The following GRID2 variants were observed in gnomAD, a reference collection of about 807,000 sequenced individuals.
The protein encoded by GRID2 is glutamate ionotropic receptor delta type subunit 2.
Under a neutral mutation model 114.8 loss-of-function variants are expected in GRID2, and 33 were observed. That is an observed-to-expected ratio of 0.29 (90% CI 0.22 to 0.38). The LOEUF is 0.38. GRID2 is among the 10% of genes least tolerant of loss of function. The pLI is 1.00. For synonymous variants in GRID2, 505 were observed against 449.9 expected (o/e 1.12, Z -1.55); for missense variants, 1,184 against 1,257.7 (o/e 0.94, Z 0.89).
rs191794766 is a variant in GRID2, at chr4:93,155,074, C to T, written c.735+44121C>T. ...CCTTGGTGGTCTAGTGGTTAGGATT[C>T]GGCTCTCTCAAATAACCTGTGTATT... On this transcript the variant is annotated intron_variant, in intron 4 of 15. Transcript: ENST00000282020. 7.0e-4 allele frequency among the ~76,000 whole-genome samples: 106 copies of T among 151,966 alleles called. 2 individuals are homozygous for T. In the South Asian group the frequency reaches 8.9e-3, roughly 13 times the overall value.
intron 4 of GRID2, among the ~76,000 whole-genome samples, chr4:93,169,180 AC>A (rs1225661271): frequency 3.3e-5 from 5 of 149,898 alleles, no homozygotes; most frequent in African/African-American, 1.2e-4. Flanking sequence ...ACACACACAC[AC>A]ACAAACTTAA....
At chr4:93,603,763 T>C (rs529002876) in intron 13 of GRID2, among the ~76,000 whole-genome samples, 57 of 152,288 alleles carry the variant, frequency 3.7e-4, no homozygotes, top group African/African-American at 1.3e-3. Flanking sequence ...CTATGGACCT[T>C]AAAAATTATG....
At chr4:93,557,468 A>T (rs1734434786) in intron 13 of GRID2, among the ~76,000 whole-genome samples, 1 of 152,206 alleles carries the variant, frequency 6.6e-6, no homozygotes, top group Non-Finnish European at 1.5e-5. Context: ...ACTTTAAACC[A>T]ACAAAGATCA....
chr4:93,399,979 T>C (rs1016198552), intron 9 of GRID2, among the ~76,000 whole-genome samples: 2 of 152,122 alleles, frequency 1.3e-5, no homozygotes, highest in African/African-American at 4.8e-5. Flanking sequence ...TTAATCCTTA[T>C]AAAATTTCAT....
intron 13 of GRID2, among the ~76,000 whole-genome samples, chr4:93,601,332 T>C (rs55990792): frequency 0.039 from 5,908 of 152,232 alleles, 386 homozygotes; most frequent in African/African-American, 0.13. Context: ...ACCCCTCTCC[T>C]ATACATCATA....
chr4:92,904,212 C>CT (rs1747785645), intron 2 of GRID2, among the ~76,000 whole-genome samples: 1 of 150,760 alleles, frequency 6.6e-6, no homozygotes, highest in African/African-American at 2.4e-5. Context: ...AAAATTTTTT[C>CT]TTCATATCAT....
At chr4:92,317,573 C>T (rs1726061236) in intron 1 of GRID2, among the ~76,000 whole-genome samples, 1 of 152,086 alleles carries the variant, frequency 6.6e-6, no homozygotes. Context: ...AGTGGCAATA[C>T]TAATGAGCAG....
At chr4:93,484,014 A>G (rs1405027420) in intron 11 of GRID2, among the ~76,000 whole-genome samples, 5 of 151,752 alleles carry the variant, frequency 3.3e-5, no homozygotes, top group Non-Finnish European at 5.9e-5. Flanking sequence ...ATGAAAATGC[A>G]TATTTTTTTT....
At chr4:93,157,050 C>A (rs926781276) in intron 4 of GRID2, among the ~76,000 whole-genome samples, 1 of 151,734 alleles carries the variant, frequency 6.6e-6, no homozygotes, top group Admixed American at 6.6e-5. Context: ...CTGTGTCCTG[C>A]ACTCTATTTT....
At chr4:93,417,539 C>T (rs1184825314) in intron 9 of GRID2, among the ~76,000 whole-genome samples, 1 of 152,016 alleles carries the variant, frequency 6.6e-6, no homozygotes, top group Non-Finnish European at 1.5e-5. Context: ...ACAGAAACCA[C>T]CTCCCCAGTG....
rs1734265617 is a variant in GRID2, at chr4:93,773,825, G to A, written c.*1327G>A. ...CTCCCTTTTTTATTTAGTTCTATTTGGAGGAGTTATGTATTTTTTACATTA... is the reference window on the plus strand; with the variant it reads ...CTCCCTTTTTTATTTAGTTCTATTTAGAGGAGTTATGTATTTTTTACATTA... On this transcript the variant is annotated 3_prime_UTR_variant, in exon 16 of 16. Transcript: ENST00000282020. 1 of 152,012 alleles carries A rather than the reference G, an allele frequency of 6.6e-6. No homozygotes were observed. Among genetic ancestry groups the A allele is most frequent in the Non-Finnish European group, 1.5e-5 (1 of 67,946 alleles). The allele number at this position is 152,012 out of a possible 1,614,324, so 9.4% of individuals were successfully genotyped here.
intron 1 of GRID2, among the ~76,000 whole-genome samples, chr4:92,567,102 G>T (rs1222286858): frequency 6.6e-6 from 1 of 151,906 alleles, no homozygotes; most frequent in East Asian, 1.9e-4. Context: ...GCAAAAACAA[G>T]TATTACAGAA....
intron 6 of GRID2, among the ~76,000 whole-genome samples, chr4:93,219,740 A>C (rs1203241698): frequency 6.6e-6 from 1 of 152,218 alleles, no homozygotes; most frequent in Non-Finnish European, 1.5e-5. Context: ...ACAAGCAGGA[A>C]GTGATCCATT....
At position 92,801,819 on chromosome 4, in the gene GRID2, T is replaced by C. The variant is rs528419745; in HGVS notation, c.244+211533T>C. Among the ~76,000 whole-genome samples the C allele has an allele frequency of 4.9e-4, 75 of 151,948 alleles. No individual in the cohort carries two copies. The South Asian group carries it at 0.015, about 30-fold the overall frequency. On this transcript the variant is annotated intron_variant, in intron 2 of 15. Transcript: ENST00000282020. ...ATAATACTCATAACAAACCCAAAAG[T>C]TGGACTTTTTCTTATCCTTATTTTA...
chr4:93,189,778 CA>C (rs375657319), intron 4 of GRID2, among the ~76,000 whole-genome samples: 6 of 45,304 alleles, frequency 1.3e-4, no homozygotes, highest in East Asian at 1.0e-3. Flanking sequence ...CCACACCACA[CA>C]CACACACACA....
chr4:93,161,452 G>A (rs1438193756), intron 4 of GRID2, among the ~76,000 whole-genome samples: 1 of 151,748 alleles, frequency 6.6e-6, no homozygotes, highest in Non-Finnish European at 1.5e-5. Context: ...ATATTTGAAG[G>A]AATTTGAGCT....
chr4:92,420,618 T>G (rs192448403), intron 1 of GRID2, among the ~76,000 whole-genome samples: 4 of 152,262 alleles, frequency 2.6e-5, no homozygotes, highest in Non-Finnish European at 4.4e-5. Context: ...CAATTACCAA[T>G]TTCAAATGAT....
At chr4:93,706,968 A>AT (rs1296810357) in intron 14 of GRID2, among the ~76,000 whole-genome samples, 1 of 151,772 alleles carries the variant, frequency 6.6e-6, no homozygotes, top group Admixed American at 6.6e-5. Context: ...ATATCATATG[A>AT]TTTTTCTCCT....
intron 2 of GRID2, among the ~76,000 whole-genome samples, chr4:92,600,044 G>GTGTGTATATA (rs1206780169): frequency 3.9e-4 from 21 of 54,428 alleles, no homozygotes; most frequent in African/African-American, 6.8e-4. Context: ...GTGTGTGTGT[G>GTGTGTATATA]TATATATATA....
Sources: gnomAD v4.1 joint callset for allele counts (sites outside exome capture counted in the v4.1 genomes callset) on GRCh38, gnomAD v4.1.1 for gene constraint, MANE v1.5 for transcripts, NCBI Gene and HGNC (gene_info 2026-07-23, HGNC 2026-07-21) for gene names.